TTYH2: variants seen among roughly 807,000 people sequenced by gnomAD.
TTYH2 encodes protein tweety homolog 2.
Under a neutral mutation model 68.3 loss-of-function variants are expected in TTYH2, and 49 were observed. That is an observed-to-expected ratio of 0.72 (90% CI 0.57 to 0.91). The LOEUF (loss-of-function observed/expected upper bound fraction) is 0.91. TTYH2 is among the 40% of genes least tolerant of loss of function. The pLI is 0.00. For synonymous variants in TTYH2, 272 were observed against 300.8 expected (o/e 0.90, Z 0.99); for missense variants, 631 against 700.4 (o/e 0.90, Z 1.12).
chr17:74,257,825 CTT>C (rs1389489048), intron 13 of TTYH2, among the ~76,000 whole-genome samples: 1 of 152,154 alleles, frequency 6.6e-6, no homozygotes, highest in Admixed American at 6.5e-5. Flanking sequence ...GTTTAACAAA[CTT>C]ATTATCATTC....
chr17:74,253,620 C>T (rs966580611), intron 12 of TTYH2, 135 bp from the exon 13 acceptor site: 20 of 820,824 alleles, frequency 2.4e-5, no homozygotes, highest in Non-Finnish European at 3.9e-5. Context: ...GCCCACTGCA[C>T]CCCCTCCACT....
At chr17:74,243,824 G>T (rs1196645278) in intron 5 of TTYH2, among the ~76,000 whole-genome samples, 153 bp from the exon 6 acceptor site, 1 of 152,132 alleles carries the variant, frequency 6.6e-6, no homozygotes, top group African/African-American at 2.4e-5. Flanking sequence ...TGGGCTCCAT[G>T]GTCCTTTCCT....
At chr17:74,253,388 A>T (rs2143781230) in intron 12 of TTYH2, 122 bp downstream of exon 12, 1 of 1,249,814 alleles carries the variant, frequency 8.0e-7, no homozygotes, top group South Asian at 1.5e-5. Context: ...CACTACAGCC[A>T]CAGGGTGCCT....
At chr17:74,234,272 C>T (rs1405768191) in intron 3 of TTYH2, among the ~76,000 whole-genome samples, 1 of 152,214 alleles carries the variant, frequency 6.6e-6, no homozygotes, top group Non-Finnish European at 1.5e-5. Context: ...TTCCTCTAGA[C>T]CGTGGTCTCC....
intron 1 of TTYH2, among the ~76,000 whole-genome samples, chr17:74,219,031 A>G (rs1039788504): frequency 6.6e-6 from 1 of 152,150 alleles, no homozygotes; most frequent in Non-Finnish European, 1.5e-5. Context: ...GGAGTTCGAG[A>G]CCAGCCTGGT....
intron 8 of TTYH2, among the ~76,000 whole-genome samples, 176 bp from the exon 9 acceptor site, chr17:74,249,760 G>A (rs1040200115): frequency 6.7e-6 from 1 of 150,334 alleles, no homozygotes; most frequent in Non-Finnish European, 1.5e-5. Context: ...AGCCAGAGGA[G>A]TAGGGGGAGA....
chr17:74,249,847 C>CCACTGTGGGGCTCCTGGGAGACGGAGCCT (rs33961893), intron 8 of TTYH2, 89 bp from the exon 9 acceptor site: 1 of 1,113,504 alleles, frequency 9.0e-7, no homozygotes, highest in East Asian at 2.4e-5. Flanking sequence ...GGCCCCTCAG[C>CCACTGTGGGGCTCCTGGGAGACGGAGCCT]CACTGTGGGG....
At position 74,214,223 on chromosome 17, in the gene TTYH2, C is replaced by G. The variant is rs184163154; in HGVS notation, c.129+507C>G. Among the ~76,000 whole-genome samples, 1 of 152,236 alleles carries G rather than the reference C, an allele frequency of 6.6e-6. No individual in the cohort carries two copies. Among genetic ancestry groups the G allele is most frequent in the African/African-American group, 2.4e-5 (1 of 41,542 alleles). On this transcript the variant is annotated intron_variant, in intron 1 of 13. Coordinates refer to ENST00000269346, the MANE Select transcript of TTYH2 (RefSeq NM_032646.6). This position sits in a 1 kb window ranked among gnomAD's most constrained non-coding sequence, Gnocchi z 4.6. The stretch of plus-strand genomic sequence containing the variant: ...CCGAGTCGGTCTTCGCAGCACCCCT[C>G]CTCCCCAGCCCCGGCCTGCAGGGTG...
At chr17:74,236,923 T>C (rs546011339) in intron 3 of TTYH2, among the ~76,000 whole-genome samples, 59 of 143,008 alleles carry the variant, frequency 4.1e-4, no homozygotes, top group Non-Finnish European at 8.4e-4. Flanking sequence ...CGACACAGAG[T>C]ATCACTCTTG....
Position 74,243,460 on chromosome 17 carries a change from T to C in TTYH2, c.722T>C (p.Leu241Pro). 2 of 1,614,126 alleles carry C rather than the reference T, an allele frequency of 1.2e-6. No homozygotes were observed. The highest frequency in any genetic ancestry group is 2.2e-5 in the East Asian group (1 of 44,876). ...CLGLAKRSKC[L>P]LASMLCCGAL... ...GGACTGGCCAAGCGCTCCAAGTGTC[T>C]CCTGGCCTCGTGAGTATCCCTACCC... is the stretch of plus-strand genomic sequence containing the variant. Residue 241 changes from leucine (L) to proline (P), a missense_variant, in exon 5 of 14, where the codon CTC (leucine) becomes CCC (proline). Leu to Pro is a moderately conservative substitution (Grantham distance 98). Transcript: ENST00000269346.
chr17:74,259,596 G>A (rs1033738629), intron 13 of TTYH2, among the ~76,000 whole-genome samples: 2 of 152,142 alleles, frequency 1.3e-5, no homozygotes, highest in Non-Finnish European at 2.9e-5. Context: ...GGCTCCCCAG[G>A]TGTTTCTGGC....
intron 13 of TTYH2, among the ~76,000 whole-genome samples, chr17:74,258,862 A>G (rs763429780): frequency 1.4e-4 from 22 of 152,108 alleles, no homozygotes; most frequent in Non-Finnish European, 2.9e-4. Flanking sequence ...CACTGGGTCG[A>G]AAACCTCATG....
At chr17:74,220,597 G>T (rs1023440358) in intron 1 of TTYH2, among the ~76,000 whole-genome samples, 19 of 152,190 alleles carry the variant, frequency 1.2e-4, no homozygotes, top group African/African-American at 7.2e-5. Context: ...CATGGACTGA[G>T]GACCAGAAGA....
At position 74,215,797 on chromosome 17, in the gene TTYH2, C is replaced by T. The variant is rs1463919687; in HGVS notation, c.129+2081C>T. ...CAGTCACTAACAGAGTCAGGTGGACCGTCGGTCATCCCAGTCTTCAGCAAG... is the reference window on the plus strand; with the variant it reads ...CAGTCACTAACAGAGTCAGGTGGACTGTCGGTCATCCCAGTCTTCAGCAAG... On this transcript the variant is annotated intron_variant, in intron 1 of 13. Coordinates refer to ENST00000269346, the MANE Select transcript of TTYH2 (RefSeq NM_032646.6). This position sits in a 1 kb window ranked among gnomAD's most constrained non-coding sequence, Gnocchi z 4.3. The T allele has an allele frequency of 7.4e-6, 10 of 1,351,612 alleles. No individual in the cohort carries two copies. The highest frequency in any genetic ancestry group is 4.0e-5 in the Admixed American group (2 of 50,318). 83.7% of individuals were successfully genotyped at this position (1,351,612 alleles called of 1,614,324 possible).
chr17:74,243,579 C>A, intron 5 of TTYH2, 110 bp downstream of exon 5: 1 of 1,109,304 alleles, frequency 9.0e-7, no homozygotes, highest in African/African-American at 1.5e-5. Flanking sequence ...AGCCAGGCTG[C>A]CTGAGGCCAC....
At chr17:74,243,297 C>G (rs945953967) in intron 4 of TTYH2, 77 bp from the exon 5 acceptor site, 1 of 1,207,056 alleles carries the variant, frequency 8.3e-7, no homozygotes, top group Admixed American at 1.7e-5. Flanking sequence ...CCAGGGCTGC[C>G]GTGCAGGCCT....
At chr17:74,243,887 A>C in intron 5 of TTYH2, 90 bp from the exon 6 acceptor site, 1 of 1,039,284 alleles carries the variant, frequency 9.6e-7, no homozygotes, top group South Asian at 1.4e-5. Flanking sequence ...CTTTGGATCC[A>C]TTGCAAGGGT....
chr17:74,215,565 C>G lies in TTYH2; in HGVS notation c.129+1849C>G. The G allele has an allele frequency of 9.5e-6, 14 of 1,469,810 alleles. No individual in the cohort carries two copies. Among genetic ancestry groups the G allele is most frequent in the Non-Finnish European group, 1.3e-5 (14 of 1,091,402 alleles). The allele number at this position is 1,469,810 out of a possible 1,614,324, so 91.0% of individuals were successfully genotyped here. A position where few individuals can be genotyped will look rare whatever the true frequency, so the allele number is the denominator to read the frequency against. On this transcript the variant is annotated intron_variant, in intron 1 of 13. Transcript: ENST00000269346. This position sits in a 1 kb window ranked among gnomAD's most constrained non-coding sequence, Gnocchi z 4.3. ...GTGTCCCTTCCCATCGGCCACTGCT[C>G]CTGGGCAGCTGACACCAGCCCTGCC...
At chr17:74,251,677 C>T (rs2050631193) in intron 10 of TTYH2, among the ~76,000 whole-genome samples, 1 of 152,108 alleles carries the variant, frequency 6.6e-6, no homozygotes, top group South Asian at 2.1e-4. Context: ...CTTGCCCCCT[C>T]ACCACCCATG....
Sources: allele counts gnomAD v4.1 joint callset (sites outside exome capture counted in the v4.1 genomes callset), GRCh38; gene constraint gnomAD v4.1.1; non-coding constraint Gnocchi (gnomAD v3.1); transcripts MANE v1.5; gene names NCBI Gene and HGNC (gene_info 2026-07-23, HGNC 2026-07-21).